The following PTPRS variants were observed in gnomAD, a reference collection of about 807,000 sequenced individuals.
The protein encoded by PTPRS is protein tyrosine phosphatase receptor type S.
Under a neutral mutation model 215.3 loss-of-function variants are expected in PTPRS, and 63 were observed. That is an observed-to-expected ratio of 0.29 (90% CI 0.24 to 0.36). PTPRS has a LOEUF of 0.36. Among genes scored for constraint, PTPRS ranks in the 10% least tolerant of loss-of-function variants. PTPRS has a pLI of 1.00. For missense variants in PTPRS, 2,258 were observed against 2,825.8 expected, an observed-to-expected ratio of 0.80 and a Z score of 4.56; for synonymous variants, 1,404 against 1,191.4, an observed-to-expected ratio of 1.18 and a Z score of -3.68.
rs1214279028 is a variant in PTPRS, at chr19:5,287,773, ATAGT to A, written c.-94-1543_-94-1540del. On this transcript the variant is annotated intron_variant, in intron 1 of 37. Coordinates refer to ENST00000262963, the MANE Select transcript of PTPRS (RefSeq NM_002850.4). The surrounding 1 kb of genome is among the most constrained non-coding windows in gnomAD (Gnocchi z 4.8). ...CGGGATTCGGGGGGCCTCAGTGTAC[ATAGT>A]TAGGCCACAGGCATACAGTCAGACC... Among the ~76,000 whole-genome samples, 5 of 152,152 alleles carry A rather than the reference ATAGT, an allele frequency of 3.3e-5. No individual in the cohort carries two copies. The highest frequency in any genetic ancestry group is 1.2e-4 in the African/African-American group (5 of 41,422).
At chr19:5,289,300 C>T (rs2048618818) in intron 1 of PTPRS, among the ~76,000 whole-genome samples, 1 of 152,186 alleles carries the variant, frequency 6.6e-6, no homozygotes, top group East Asian at 1.9e-4. Flanking sequence ...AACCTGCCCA[C>T]TTCTTACTCA....
At chr19:5,303,071 A>G (rs2058487569) in intron 1 of PTPRS, among the ~76,000 whole-genome samples, 1 of 151,944 alleles carries the variant, frequency 6.6e-6, no homozygotes, top group Non-Finnish European at 1.5e-5. Context: ...CCCCGTCTCA[A>G]AAACAAAAAC....
chr19:5,220,252 G>A lies in PTPRS; in HGVS notation c.3549+8C>T, dbSNP rs2041859934. On this transcript the variant is annotated splice_region_variant and intron_variant, in intron 21 of 37. Coordinates refer to ENST00000262963, the MANE Select transcript of PTPRS (RefSeq NM_002850.4). ...CTGGGCCCTGCGGGTTGGGCCCCAG[G>A]CCCTCACCTCTTCCAGATCCATGTC... The A allele has an allele frequency of 1.2e-6, 2 of 1,613,450 alleles. No homozygotes were observed. Among genetic ancestry groups the A allele is most frequent in the Non-Finnish European group, 1.7e-6 (2 of 1,179,640 alleles).
chr19:5,282,258 G>A (rs776232714), intron 2 of PTPRS, among the ~76,000 whole-genome samples: 9 of 152,104 alleles, frequency 5.9e-5, no homozygotes, highest in Non-Finnish European at 1.0e-4. Flanking sequence ...TCTTCTCCAG[G>A]CAGCTTTGGG....
At chr19:5,284,243 C>T (rs2048130276) in intron 2 of PTPRS, among the ~76,000 whole-genome samples, 1 of 151,822 alleles carries the variant, frequency 6.6e-6, no homozygotes, top group Admixed American at 6.6e-5. Flanking sequence ...ACCTGTAATC[C>T]CAGCTACTCG....
In PTPRS at chr19:5,295,568, A is replaced by G. The variant is rs561910996; in HGVS notation, c.-94-9334T>C. Among the ~76,000 whole-genome samples the G allele has an allele frequency of 6.6e-6, 1 of 152,296 alleles. No individual in the cohort carries two copies. Among genetic ancestry groups the G allele is most frequent in the East Asian group, 1.9e-4 (1 of 5,176 alleles). ...AGACTGTGACCTCAGGAGGCAGAGC[A>G]GGATTTGTCTCGGTCACCCAGTGTC... On this transcript the variant is annotated intron_variant, in intron 1 of 37. Transcript: ENST00000262963. The surrounding 1 kb of genome is among the most constrained non-coding windows in gnomAD (Gnocchi z 4.6).
intron 14 of PTPRS, 56 bp from the exon 15 acceptor site, chr19:5,229,740 C>T (rs2042858638): frequency 8.9e-7 from 1 of 1,121,502 alleles, no homozygotes; most frequent in Non-Finnish European, 1.1e-6. Flanking sequence ...GGGCGCCCGG[C>T]CCTGCCCCGG....
rs748137051 is a variant in PTPRS, at chr19:5,240,180, C to G, written c.1704+19G>C. 9.3e-6 allele frequency: 14 copies of G among 1,512,588 alleles called. No individual in the cohort carries two copies. In the East Asian group the frequency reaches 1.8e-4, roughly 19 times the overall value. 93.7% of individuals were successfully genotyped at this position (1,512,588 alleles called of 1,614,324 possible). ...GGGAGGAGCCCAGGGCAGGCCAGCC[C>G]GTCCCCGCGCTGCCTCACCTCCCGG... On this transcript the variant is annotated intron_variant, in intron 12 of 37. Transcript: ENST00000262963.
chr19:5,311,667 G>A (rs909475797), intron 1 of PTPRS, among the ~76,000 whole-genome samples: 4 of 152,202 alleles, frequency 2.6e-5, no homozygotes, highest in South Asian at 4.1e-4. Context: ...GGAGACCCGA[G>A]CTCCCTGGCT....
At chr19:5,283,282 C>A (rs4807020) in intron 2 of PTPRS, among the ~76,000 whole-genome samples, 2 of 75,042 alleles carry the variant, frequency 2.7e-5, no homozygotes, top group Non-Finnish European at 2.9e-5. Context: ...CTCCTGTCAC[C>A]CCAGCACTTT....
rs2048980715 is a variant in PTPRS, at chr19:5,293,139, A to G, written c.-94-6905T>C. The G allele has an allele frequency of 1.3e-5, 2 of 150,470 alleles. No individual in the cohort carries two copies. Among genetic ancestry groups the G allele is most frequent in the Non-Finnish European group, 3.0e-5 (2 of 67,398 alleles). 9.3% of individuals were successfully genotyped at this position (150,470 alleles called of 1,614,324 possible). On this transcript the variant is annotated intron_variant, in intron 1 of 37. Coordinates refer to ENST00000262963, the MANE Select transcript of PTPRS (RefSeq NM_002850.4). This position sits in a 1 kb window ranked among gnomAD's most constrained non-coding sequence, Gnocchi z 8.4. ...GTGGAAGGGGGTCCCGGGCGCACTC[A>G]CCCCGCGGCTCGGAGATCGGGCCCA...
chr19:5,335,004 A>G (rs772449671), intron 1 of PTPRS, among the ~76,000 whole-genome samples: 24 of 152,204 alleles, frequency 1.6e-4, no homozygotes, highest in Non-Finnish European at 3.1e-4. Context: ...GGGGTTAATT[A>G]TAAGCGGCAT....
rs533329620 is a variant in PTPRS at position 5,282,921 on chromosome 19, G to T, written c.91+3129C>A. On this transcript the variant is annotated intron_variant, in intron 2 of 37. Transcript: ENST00000262963. The stretch of plus-strand genomic sequence containing the variant: ...AAAATCACGCAGGCTGGATAAATGG[G>T]GTTGGGGGTCTTTATTGACCACAAG... Among the ~76,000 whole-genome samples, 20 of 152,322 alleles carry T rather than the reference G, an allele frequency of 1.3e-4. No individual in the cohort carries two copies. In the East Asian group the frequency reaches 3.9e-3, roughly 29 times the overall value.
At chr19:5,310,688 CT>C (rs2049672688) in intron 1 of PTPRS, among the ~76,000 whole-genome samples, 1 of 151,564 alleles carries the variant, frequency 6.6e-6, no homozygotes, top group African/African-American at 2.4e-5. Flanking sequence ...GGCTTTATGG[CT>C]TTTGTTTTTT....
intron 1 of PTPRS, among the ~76,000 whole-genome samples, chr19:5,313,208 T>A (rs1420819756): frequency 2.0e-5 from 3 of 152,198 alleles, no homozygotes; most frequent in Non-Finnish European, 4.4e-5. Context: ...TGAGCCACCG[T>A]GCCCGGTCCT....
chr19:5,320,742 C>G (rs532651486), intron 1 of PTPRS, among the ~76,000 whole-genome samples: 8 of 151,858 alleles, frequency 5.3e-5, no homozygotes, highest in Non-Finnish European at 5.9e-5. Flanking sequence ...TCTTTACAAT[C>G]GTCACACTGT....
Position 5,267,377 on chromosome 19 carries a change from C to T in PTPRS, c.380-2181G>A, listed in dbSNP as rs561154458. ...AGGGTGCTCTACAAACCAAGATGGGCCGGCCGTGGGGGCTCACACCTGTAA... is the reference window on the plus strand; with the variant it reads ...AGGGTGCTCTACAAACCAAGATGGGTCGGCCGTGGGGGCTCACACCTGTAA... On this transcript the variant is annotated intron_variant, in intron 4 of 37. Coordinates refer to ENST00000262963, the MANE Select transcript of PTPRS (RefSeq NM_002850.4). 2.8e-4 allele frequency among the ~76,000 whole-genome samples: 42 copies of T among 152,156 alleles called. 1 individual carries two copies. Among genetic ancestry groups the T allele is most frequent in the African/African-American group, 8.7e-4 (36 of 41,514 alleles).
chr19:5,309,741 G>A (rs1251955439), intron 1 of PTPRS, among the ~76,000 whole-genome samples: 2 of 152,114 alleles, frequency 1.3e-5, no homozygotes, highest in Non-Finnish European at 2.9e-5. Flanking sequence ...ACTTGGAGAA[G>A]CCAGCCAACC....
chr19:5,334,341 C>G (rs1292128490), intron 1 of PTPRS, among the ~76,000 whole-genome samples: 1 of 152,214 alleles, frequency 6.6e-6, no homozygotes, highest in Non-Finnish European at 1.5e-5. Flanking sequence ...AAAATAATAA[C>G]AAAAACAGAA....
Sources: allele counts gnomAD v4.1 joint callset (sites outside exome capture counted in the v4.1 genomes callset), GRCh38; gene constraint gnomAD v4.1.1; non-coding constraint Gnocchi (gnomAD v3.1); transcripts MANE v1.5; gene names NCBI Gene and HGNC (gene_info 2026-07-23, HGNC 2026-07-21).